Variants in ASXL2 observed in about 807,000 individuals in gnomAD.
The protein encoded by ASXL2 is putative Polycomb group protein ASXL2.
In ASXL2, 23 loss-of-function variants were observed where a neutral mutation model predicts 122.0. The observed-to-expected ratio is 0.19, with a 90% confidence interval of 0.14 to 0.27. ASXL2 has a LOEUF of 0.27. ASXL2 is among the 10% of genes least tolerant of loss of function. ASXL2 has a pLI of 1.00. For synonymous variants in ASXL2, 650 were observed against 637.0 expected, an observed-to-expected ratio of 1.02 and a Z score of -0.31; for missense variants, 1,518 against 1,713.8, an observed-to-expected ratio of 0.89 and a Z score of 2.02.
intron 10 of ASXL2, among the ~76,000 whole-genome samples, chr2:25,755,339 AGCT>A (rs2149143805): frequency 6.6e-6 from 1 of 152,326 alleles, no homozygotes; most frequent in Admixed American, 6.5e-5. Context: ...GGTGTTTTTC[AGCT>A]GTAGAGGTGA....
At chr2:25,848,596 C>T (rs569858542) in intron 1 of ASXL2, among the ~76,000 whole-genome samples, 1 of 152,014 alleles carries the variant, frequency 6.6e-6, no homozygotes, top group South Asian at 2.1e-4. Flanking sequence ...GCACTCCAGC[C>T]TGGGTGACAA....
At chr2:25,759,674 C>T (rs768123236) in intron 8 of ASXL2, 29 bp from the exon 9 acceptor site, 3 of 1,592,028 alleles carry the variant, frequency 1.9e-6, no homozygotes, top group Admixed American at 1.7e-5. Context: ...ATCGTTTGGG[C>T]CTCCCTCACA....
At chr2:25,745,197 C>T (rs1378990301) in intron 12 of ASXL2, among the ~76,000 whole-genome samples, 1 of 147,276 alleles carries the variant, frequency 6.8e-6, no homozygotes, top group East Asian at 1.9e-4. Flanking sequence ...AAATCAGAAC[C>T]CCCAAGACCC....
intron 3 of ASXL2, among the ~76,000 whole-genome samples, chr2:25,813,286 A>T (rs1451088153): frequency 6.6e-6 from 1 of 152,246 alleles, no homozygotes; most frequent in East Asian, 1.9e-4. Flanking sequence ...ACAGGTCCAC[A>T]GTCCCTGATC....
chr2:25,796,997 T>C (rs1232743873), intron 5 of ASXL2, among the ~76,000 whole-genome samples: 1 of 152,034 alleles, frequency 6.6e-6, no homozygotes, highest in African/African-American at 2.4e-5. Context: ...TCCCAGAACA[T>C]AACATAACAT....
chr2:25,793,932 G>A (rs1282355257), intron 5 of ASXL2, among the ~76,000 whole-genome samples: 1 of 152,124 alleles, frequency 6.6e-6, no homozygotes, highest in African/African-American at 2.4e-5. Context: ...ACACAACACA[G>A]TGCTAAAACC....
At chr2:25,822,926 T>C (rs2089329250) in intron 3 of ASXL2, 19 of 530,248 alleles carry the variant, frequency 3.6e-5, no homozygotes, top group South Asian at 2.7e-4. Flanking sequence ...ACAGCGATGA[T>C]GAAAAAATGC....
At chr2:25,755,016 A>C (rs1574398270) in intron 10 of ASXL2, among the ~76,000 whole-genome samples, 1 of 152,340 alleles carries the variant, frequency 6.6e-6, no homozygotes, top group East Asian at 1.9e-4. Context: ...GATCTGACAG[A>C]AAATAAACAA....
chr2:25,845,238 A>C (rs1195636548), intron 2 of ASXL2: 1 of 531,546 alleles, frequency 1.9e-6, no homozygotes, highest in East Asian at 4.9e-5. Flanking sequence ...CTTCCTAAAA[A>C]TTAAAGTGCA....
chr2:25,754,732 C>T (rs1281559028), intron 10 of ASXL2, among the ~76,000 whole-genome samples: 2 of 150,932 alleles, frequency 1.3e-5, no homozygotes, highest in Non-Finnish European at 2.9e-5. Flanking sequence ...GCTGACAGTA[C>T]CTAGTTACAA....
chr2:25,792,832 C>T (rs2088855851), intron 5 of ASXL2, among the ~76,000 whole-genome samples: 1 of 152,014 alleles, frequency 6.6e-6, no homozygotes, highest in African/African-American at 2.4e-5. Context: ...TCTTGAACTC[C>T]TTAACTCACG....
intron 5 of ASXL2, among the ~76,000 whole-genome samples, chr2:25,793,965 A>C (rs1333676093): frequency 6.6e-6 from 1 of 152,118 alleles, no homozygotes; most frequent in Non-Finnish European, 1.5e-5. Flanking sequence ...ACCAATAATA[A>C]CCTCAGAGGA....
At chr2:25,775,457 C>T (rs559074015) in intron 5 of ASXL2, among the ~76,000 whole-genome samples, 136 of 152,244 alleles carry the variant, frequency 8.9e-4, no homozygotes, top group African/African-American at 3.0e-3. Context: ...GTAATCCCCA[C>T]GTGTCAGCGG....
chr2:25,821,352 G>C (rs2089308304), intron 3 of ASXL2, among the ~76,000 whole-genome samples: 1 of 150,404 alleles, frequency 6.6e-6, no homozygotes, highest in Non-Finnish European at 1.5e-5. Flanking sequence ...GCAAGACCCT[G>C]TCAGGAAAGA....
In ASXL2 at chr2:25,743,036, A is replaced by C. The variant is rs2087861632; in HGVS notation, c.3301T>G (p.Ser1101Ala). 1 of 1,613,948 alleles carries C rather than the reference A, an allele frequency of 6.2e-7. No individual in the cohort carries two copies. Among genetic ancestry groups the C allele is most frequent in the East Asian group, 2.2e-5 (1 of 44,882 alleles). ...CCCAGCATGAACCTCTGGCTTGTGG[A>C]GATGTCTTCCAGCTGGAAACCTGAG... ...AHSGFQLEDISTSQRFMLGFA... is the reference protein window; with the variant it reads ...AHSGFQLEDIATSQRFMLGFA... Residue 1101 changes from serine (S) to alanine (A), a missense_variant, in exon 13 of 13, where the codon TCC (serine) becomes GCC (alanine). Around this residue, in one of 8 missense-constraint regions of ASXL2, gnomAD observed 831 missense variants for 833.1 expected, o/e 1.00. Transcript: ENST00000435504.
chr2:25,852,008 T>C (rs1029927529), intron 1 of ASXL2, among the ~76,000 whole-genome samples: 3 of 151,524 alleles, frequency 2.0e-5, no homozygotes, highest in Non-Finnish European at 4.4e-5. Flanking sequence ...TGGCCACATA[T>C]ATTACTGAGC....
intron 3 of ASXL2, among the ~76,000 whole-genome samples, chr2:25,823,728 C>CT (rs35822311): frequency 0.011 from 1,565 of 143,372 alleles, 10 homozygotes; most frequent in Middle Eastern, 0.022. Context: ...GGATTTCTTT[C>CT]TTTTTTTTTT....
chr2:25,862,607 G>GTTTGTT (rs1034605139), intron 1 of ASXL2, among the ~76,000 whole-genome samples: 18 of 152,212 alleles, frequency 1.2e-4, no homozygotes, highest in African/African-American at 4.3e-4. Flanking sequence ...TTGTTTGTTT[G>GTTTGTT]TTTGTTTTTT....
rs545201907 is a variant in ASXL2, at chr2:25,783,894, A to T, written c.404-12354T>A. On this transcript the variant is annotated intron_variant, in intron 5 of 12. Coordinates refer to ENST00000435504, the MANE Select transcript of ASXL2 (RefSeq NM_018263.6). ...CATGGTGAAACCCCGACTCTACTAC[A>T]AATACAAAAATTAGTCGGGCGTGGT... Among the ~76,000 whole-genome samples the T allele has an allele frequency of 2.0e-4, 31 of 152,142 alleles. No homozygotes were observed. In the South Asian group the frequency reaches 5.4e-3, roughly 26 times the overall value.
Sources: gnomAD v4.1 joint callset for allele counts (sites outside exome capture counted in the v4.1 genomes callset) on GRCh38, gnomAD v4.1.1 for gene constraint, gnomAD v4.1.1 regional missense constraint, MANE v1.5 for transcripts, NCBI Gene and HGNC (gene_info 2026-07-23, HGNC 2026-07-21) for gene names.